Variants in SPACA1 observed in about 807,000 individuals in gnomAD.
SPACA1 encodes sperm acrosome associated 1, also known as sperm acrosome membrane-associated protein 1.
Under a neutral mutation model 32.6 loss-of-function variants are expected in SPACA1, and 17 were observed. The observed-to-expected ratio is 0.52, with a 90% CI of 0.36 to 0.78. The LOEUF is 0.78. Among genes scored for constraint, SPACA1 ranks in the 30% least tolerant of loss-of-function variants. The pLI, the probability that SPACA1 is intolerant of heterozygous loss-of-function variation, is 0.01. For synonymous variants in SPACA1, 140 were observed against 138.1 expected, an observed-to-expected ratio of 1.01 and a Z score of -0.10; for missense variants, 363 against 373.4, an observed-to-expected ratio of 0.97 and a Z score of 0.23.
intron 1 of SPACA1, among the ~76,000 whole-genome samples, chr6:88,053,020 A>G (rs945872903): frequency 2.6e-5 from 4 of 152,218 alleles, no homozygotes; most frequent in African/African-American, 7.2e-5. Context: ...CAATTTATAG[A>G]ATGCTTTCAC....
chr6:88,065,997 T>A (rs1399986285), intron 6 of SPACA1, among the ~76,000 whole-genome samples, 185 bp from the exon 7 acceptor site: 1 of 151,974 alleles, frequency 6.6e-6, no homozygotes, highest in African/African-American at 2.4e-5. Flanking sequence ...GGTACAAATA[T>A]GTATACAGGT....
At position 88,054,019 on chromosome 6, in the gene SPACA1, A is replaced by G; in HGVS notation, c.265+17A>G. On this transcript the variant is annotated intron_variant, in intron 2 of 6. Transcript: ENST00000237201. ...TTACATGTGGTAAGTAGCTTGGAGC[A>G]GATGAATAAACCATGTTGTAATTTG... 2.5e-6 allele frequency: 4 copies of G among 1,611,912 alleles called. No individual in the cohort carries two copies. The highest frequency in any genetic ancestry group is 3.4e-6 in the Non-Finnish European group (4 of 1,178,446).
chr6:88,065,502 A>AC, intron 6 of SPACA1, among the ~76,000 whole-genome samples: 1 of 148,548 alleles, frequency 6.7e-6, no homozygotes, highest in Admixed American at 6.8e-5. Flanking sequence ...ATTATATATT[A>AC]CCTCTTCTTT....
chr6:88,055,912 G>A (rs761325439), intron 2 of SPACA1, among the ~76,000 whole-genome samples: 9 of 151,014 alleles, frequency 6.0e-5, no homozygotes, highest in South Asian at 2.1e-4. Context: ...TGGAGGTTGC[G>A]TGAACTGAGA....
intron 2 of SPACA1, among the ~76,000 whole-genome samples, chr6:88,055,964 A>G (rs1240304380): frequency 6.6e-6 from 1 of 151,774 alleles, no homozygotes; most frequent in Non-Finnish European, 1.5e-5. Flanking sequence ...GCGAGACTCC[A>G]TCTCAAAAAC....
intron 5 of SPACA1, among the ~76,000 whole-genome samples, chr6:88,060,365 T>C (rs1775874499): frequency 6.6e-6 from 1 of 152,190 alleles, no homozygotes; most frequent in African/African-American, 2.4e-5. Flanking sequence ...CAGGATCCTT[T>C]TTCCAGAAAA....
upstream of SPACA1, chr6:88,047,739 G>C: frequency 1.4e-6 from 1 of 693,056 alleles, no homozygotes; most frequent in Non-Finnish European, 2.3e-6. Flanking sequence ...CGAGTTCCAG[G>C]CGCTCAGCAC....
chr6:88,066,498 C>G lies in SPACA1; in HGVS notation c.*163C>G. On this transcript the variant is annotated 3_prime_UTR_variant, in exon 7 of 7. Coordinates refer to ENST00000237201, the MANE Select transcript of SPACA1 (RefSeq NM_030960.3). ...AGGACTATTTTATCAGTGCATTTTT[C>G]CAGTACAGTTATCAAATATTACTTT... 2.0e-6 allele frequency: 1 copy of G among 492,070 alleles called. No homozygotes were observed. The highest frequency in any genetic ancestry group is 3.3e-6 in the Non-Finnish European group (1 of 306,842). 30.5% of individuals were successfully genotyped at this position (492,070 alleles called of 1,614,324 possible).
intron 5 of SPACA1, among the ~76,000 whole-genome samples, chr6:88,062,927 A>G (rs1414809603): frequency 1.3e-5 from 2 of 152,232 alleles, no homozygotes. Flanking sequence ...GGAAAGAAAT[A>G]TAGGAGACTA....
Position 88,064,208 on chromosome 6 carries a change from A to G in SPACA1, c.720A>G (p.Ile240Met). 1 of 1,611,206 alleles carries G rather than the reference A, an allele frequency of 6.2e-7. No individual in the cohort carries two copies. The highest frequency in any genetic ancestry group is 8.5e-7 in the Non-Finnish European group (1 of 1,178,736). The change falls in exon 6 of 7, where the codon ATA becomes ATG. Residue 240 changes from isoleucine to methionine, a missense_variant. Transcript: ENST00000237201. The stretch of plus-strand genomic sequence containing the variant: ...TTATAATTTTCTTATTGATCTTCAT[A>G]ATCATAAATTGGTAGGTGAATAGTG... ...CVFIIFLLIF[I>M]IINWAAVKAF...
intron 5 of SPACA1, among the ~76,000 whole-genome samples, chr6:88,062,361 C>T (rs1222383101): frequency 6.6e-6 from 1 of 152,126 alleles, no homozygotes; most frequent in African/African-American, 2.4e-5. Context: ...ATACCTTGTA[C>T]AAATTAAACC....
Position 88,047,973 on chromosome 6 carries a change from G to T in SPACA1, c.68G>T (p.Gly23Val). 6.4e-7 allele frequency: 1 copy of T among 1,566,698 alleles called. No homozygotes were observed. The highest frequency in any genetic ancestry group is 8.6e-7 in the Non-Finnish European group (1 of 1,157,484). The change falls in exon 1 of 7, where the codon GGC becomes GTC. Residue 23 changes from glycine (G) to valine (V), a missense_variant. By Grantham distance (109) the Gly-to-Val change is moderately radical (BLOSUM62 -3). Transcript: ENST00000237201. ...ACTGTCGGCTGGCTGCTTCTGGCGG[G>T]CCTCCAGTCCGCGCGCGGGACCAAC... Reference protein sequence around the residue: ...LMTVGWLLLAGLQSARGTNVT... With the variant: ...LMTVGWLLLAVLQSARGTNVT...
intron 1 of SPACA1, among the ~76,000 whole-genome samples, chr6:88,053,515 A>C (rs550248483): frequency 1.3e-5 from 2 of 152,346 alleles, no homozygotes; most frequent in East Asian, 3.9e-4. Context: ...AACTTTTATC[A>C]TTTTAATGAA....
chr6:88,058,951 C>A, intron 4 of SPACA1, 129 bp downstream of exon 4: 1 of 571,904 alleles, frequency 1.7e-6, no homozygotes, highest in Non-Finnish European at 2.9e-6. Flanking sequence ...AATTATACAA[C>A]TTTATTATTT....
chr6:88,049,512 A>G (rs1254323859), intron 1 of SPACA1, among the ~76,000 whole-genome samples: 1 of 152,228 alleles, frequency 6.6e-6, no homozygotes, highest in Non-Finnish European at 1.5e-5. Flanking sequence ...CTGAGGTGTT[A>G]TAGGTCTGAA....
Position 88,066,408 on chromosome 6 carries a change from C to A in SPACA1, c.*73C>A. ...TTCATTATTACAAAAATAAAATACA[C>A]ATTGAAATACTTTAATAATGTTGCG... On this transcript the variant is annotated 3_prime_UTR_variant, in exon 7 of 7. Transcript: ENST00000237201. 7.4e-7 allele frequency: 1 copy of A among 1,348,090 alleles called. No homozygotes were observed. Among genetic ancestry groups the A allele is most frequent in the Non-Finnish European group, 9.9e-7 (1 of 1,006,210 alleles). 83.5% of individuals were successfully genotyped at this position (1,348,090 alleles called of 1,614,324 possible). A position where few individuals can be genotyped will look rare whatever the true frequency, so the allele number is the denominator to read the frequency against.
At chr6:88,048,507 T>G (rs1174902600) in intron 1 of SPACA1, among the ~76,000 whole-genome samples, 2 of 152,140 alleles carry the variant, frequency 1.3e-5, no homozygotes, top group African/African-American at 4.8e-5. Flanking sequence ...TTTCCACATT[T>G]GCACTTGGGG....
rs564485496 is a variant in SPACA1 at position 88,064,770 on chromosome 6, A to G, written c.731+551A>G. ...TATGTACATATATTGTATATACAAT[A>G]TACATATATCTTCTATGTACATATA... On this transcript the variant is annotated intron_variant, in intron 6 of 6. Transcript: ENST00000237201. Among the ~76,000 whole-genome samples the G allele has an allele frequency of 4.5e-3, 665 of 148,894 alleles. 7 individuals carry two copies. The highest frequency in any genetic ancestry group is 0.016 in the African/African-American group (643 of 40,890).
At position 88,059,592 on chromosome 6, in the gene SPACA1, A is replaced by G. The variant is rs746640806; in HGVS notation, c.610+4A>G. 6.2e-7 allele frequency: 1 copy of G among 1,607,742 alleles called. No individual in the cohort carries two copies. The highest frequency in any genetic ancestry group is 8.5e-7 in the Non-Finnish European group (1 of 1,177,450). On this transcript the variant is annotated splice_donor_region_variant and intron_variant, in intron 5 of 6. Transcript: ENST00000237201. ...TTCACAGTCTATACGAGCAGTGGTA[A>G]GTGTCCAGCAATGTCTTGGTTTGCT...
Sources: allele counts gnomAD v4.1 joint callset (sites outside exome capture counted in the v4.1 genomes callset), GRCh38; gene constraint gnomAD v4.1.1; transcripts MANE v1.5; gene names NCBI Gene and HGNC (gene_info 2026-07-23, HGNC 2026-07-21).